The following KMT2C variants were observed in gnomAD, a reference collection of about 807,000 sequenced individuals.
KMT2C encodes the protein lysine methyltransferase 2C.
A neutral mutation model predicts 507.9 loss-of-function variants in KMT2C; 88 were observed. The ratio of observed to expected loss-of-function variants is 0.17; its 90% confidence interval spans 0.15 to 0.21. KMT2C has a LOEUF of 0.21. Ranked by LOEUF, KMT2C falls within the 10% of genes least tolerant of loss-of-function variation. The pLI, the probability that KMT2C is intolerant of heterozygous loss-of-function variation, is 1.00. For synonymous variants in KMT2C, 2,049 were observed against 2,080.8 expected (o/e 0.98, Z 0.42); for missense variants, 4,954 against 5,957.8 (o/e 0.83, Z 5.55).
chr7:152,193,124 T>C (rs1266695209), intron 31 of KMT2C, among the ~76,000 whole-genome samples: 1 of 152,144 alleles, frequency 6.6e-6, no homozygotes, highest in Non-Finnish European at 1.5e-5. Context: ...TGACGTGAGT[T>C]GTGTTCACAC....
intron 1 of KMT2C, among the ~76,000 whole-genome samples, chr7:152,424,461 C>A (rs1401665033): frequency 1.3e-5 from 2 of 152,014 alleles, no homozygotes. Flanking sequence ...TTCACTCTGT[C>A]GCCCAGGCTT....
chr7:152,390,898 G>A (rs373106412), intron 1 of KMT2C, among the ~76,000 whole-genome samples: 108 of 152,184 alleles, frequency 7.1e-4, no homozygotes, highest in East Asian at 4.3e-3. Flanking sequence ...TGTAATCCCA[G>A]CACTTTGGGA....
chr7:152,165,012 TG>T (rs982639215), intron 42 of KMT2C, among the ~76,000 whole-genome samples: 1 of 152,260 alleles, frequency 6.6e-6, no homozygotes, highest in Non-Finnish European at 1.5e-5. Context: ...AGTATTTTCT[TG>T]GGTTCCCCAG....
chr7:152,335,626 C>G (rs1180344673), intron 2 of KMT2C, among the ~76,000 whole-genome samples: 1 of 152,186 alleles, frequency 6.6e-6, no homozygotes, highest in Non-Finnish European at 1.5e-5. Flanking sequence ...TCAAAAATTT[C>G]CTTCTCCTAG....
At chr7:152,153,673 A>G (rs2091827647) in intron 48 of KMT2C, among the ~76,000 whole-genome samples, 2 of 150,528 alleles carry the variant, frequency 1.3e-5, no homozygotes, top group Admixed American at 1.3e-4. Flanking sequence ...GGCTGCAGTG[A>G]GCTATGACTG....
At chr7:152,196,609 C>G (rs1026943226) in intron 27 of KMT2C, among the ~76,000 whole-genome samples, 4 of 152,162 alleles carry the variant, frequency 2.6e-5, no homozygotes, top group African/African-American at 9.7e-5. Flanking sequence ...AAACAAAGTG[C>G]CTGCCCTCAG....
At position 152,182,610 on chromosome 7, in the gene KMT2C, A is replaced by G; in HGVS notation, c.5266-16T>C. Reference sequence around the variant, plus strand: ...GACGCATTTGCTATTAAAATAGAAAAGAAAAAGCAATCATATTTAGGTTAA... The same window carrying G: ...GACGCATTTGCTATTAAAATAGAAAGGAAAAAGCAATCATATTTAGGTTAA... On this transcript the variant is annotated splice_polypyrimidine_tract_variant and intron_variant, in intron 35 of 58. Coordinates refer to ENST00000262189, the MANE Select transcript of KMT2C (RefSeq NM_170606.3). The G allele has an allele frequency of 6.5e-7, 1 of 1,528,918 alleles. No homozygotes were observed. The allele number at this position is 1,528,918 out of a possible 1,614,324, so 94.7% of individuals were successfully genotyped here. A position where few individuals can be genotyped will look rare whatever the true frequency, so the allele number is the denominator to read the frequency against.
chr7:152,216,576 T>C (rs1354930585), intron 23 of KMT2C, among the ~76,000 whole-genome samples: 1 of 152,258 alleles, frequency 6.6e-6, no homozygotes, highest in African/African-American at 2.4e-5. Context: ...TAATGTATTG[T>C]ACTTTTTAAT....
At chr7:152,214,469 G>A (rs1460166802) in intron 23 of KMT2C, among the ~76,000 whole-genome samples, 1 of 152,044 alleles carries the variant, frequency 6.6e-6, no homozygotes, top group Non-Finnish European at 1.5e-5. Context: ...CATACAGCAG[G>A]TCCTCAAGTA....
chr7:152,389,478 CT>C (rs34188557), intron 1 of KMT2C, among the ~76,000 whole-genome samples: 2,176 of 128,672 alleles, frequency 0.017, 31 homozygotes, highest in African/African-American at 0.058. Flanking sequence ...TAATTATTTA[CT>C]TTTTTTTTTT....
At chr7:152,420,692 G>A (rs570273983) in intron 1 of KMT2C, among the ~76,000 whole-genome samples, 2 of 152,104 alleles carry the variant, frequency 1.3e-5, no homozygotes, top group African/African-American at 4.8e-5. Context: ...AAAATTAGCT[G>A]GGTGCGGTGG....
chr7:152,169,748 G>A (rs1409773381), intron 40 of KMT2C, among the ~76,000 whole-genome samples: 3 of 152,064 alleles, frequency 2.0e-5, no homozygotes, highest in East Asian at 1.9e-4. Context: ...TTCTACACAC[G>A]CCTGTAGTCC....
intron 6 of KMT2C, among the ~76,000 whole-genome samples, chr7:152,279,563 T>C (rs1249870710): frequency 1.3e-5 from 2 of 152,370 alleles, no homozygotes; most frequent in East Asian, 3.9e-4. Flanking sequence ...ATCTATGAAA[T>C]TATTCTGTAT....
chr7:152,237,666 T>C (rs2095305025), intron 15 of KMT2C, among the ~76,000 whole-genome samples: 1 of 151,910 alleles, frequency 6.6e-6, no homozygotes, highest in Non-Finnish European at 1.5e-5. Flanking sequence ...CCCGGCTAAA[T>C]TTCTTTGTAT....
In KMT2C at chr7:152,182,374, A is replaced by G. The variant is rs756471203; in HGVS notation, c.5486T>C (p.Leu1829Pro). ...MSPAQSFHKELFTKQPPSTPT... is the reference protein window; with the variant it reads ...MSPAQSFHKEPFTKQPPSTPT... ...GGTACTGGGTGGCTGTTTTGTAAAC[A>G]GTTCTTTATGGAATGACTGTGCAGG... is the stretch of plus-strand genomic sequence containing the variant. The change falls in exon 36 of 59, where the codon CTG becomes CCG. Residue 1829 changes from leucine to proline, a missense_variant. Around this residue, in one of 29 missense-constraint regions of KMT2C, gnomAD observed 1,689 missense variants for 1,654.3 expected, o/e 1.02. Coordinates refer to ENST00000262189, the MANE Select transcript of KMT2C (RefSeq NM_170606.3). The G allele has an allele frequency of 6.2e-7, 1 of 1,613,250 alleles. No homozygotes were observed. The highest frequency in any genetic ancestry group is 8.5e-7 in the Non-Finnish European group (1 of 1,179,550).
chr7:152,374,277 T>C (rs376058535), intron 1 of KMT2C, among the ~76,000 whole-genome samples: 16 of 151,686 alleles, frequency 1.1e-4, no homozygotes, highest in East Asian at 3.9e-4. Context: ...GATTGCACCA[T>C]TGCACTCCAG....
chr7:152,433,854 TGTGA>T (rs2097888953), intron 1 of KMT2C, among the ~76,000 whole-genome samples: 1 of 151,960 alleles, frequency 6.6e-6, no homozygotes, highest in Non-Finnish European at 1.5e-5. Flanking sequence ...TGCGCGTGCG[TGTGA>T]GTGTGCGCGT....
At chr7:152,146,821 G>A in intron 52 of KMT2C, 86 bp from the exon 53 acceptor site, 3 of 1,164,582 alleles carry the variant, frequency 2.6e-6, no homozygotes, top group South Asian at 2.8e-5. Flanking sequence ...CCACTCACAA[G>A]GATTTACTAA....
At chr7:152,278,681 G>A (rs1200901537) in intron 6 of KMT2C, among the ~76,000 whole-genome samples, 3 of 152,120 alleles carry the variant, frequency 2.0e-5, no homozygotes, top group Admixed American at 2.0e-4. Context: ...AAAAAATGCA[G>A]GTATAGCAAT....
Sources: allele counts gnomAD v4.1 joint callset (sites outside exome capture counted in the v4.1 genomes callset), GRCh38; gene constraint gnomAD v4.1.1; regional missense constraint gnomAD v4.1.1; transcripts MANE v1.5; gene names NCBI Gene and HGNC (gene_info 2026-07-23, HGNC 2026-07-21).